PTPRT: variants seen among roughly 807,000 people sequenced by gnomAD.
The protein encoded by PTPRT is protein tyrosine phosphatase receptor type T.
PTPRT carries 56 observed loss-of-function variants against 176.8 expected under a neutral mutation model. The observed-to-expected ratio is 0.32, with a 90% confidence interval of 0.26 to 0.40. The LOEUF is 0.40. Among genes scored for constraint, PTPRT ranks in the 10% least tolerant of loss-of-function variants. The pLI, the probability that PTPRT is intolerant of heterozygous loss-of-function variation, is 1.00. For missense variants in PTPRT, 1,540 were observed against 1,908.2 expected (o/e 0.81, Z 3.60); for synonymous variants, 783 against 739.0 (o/e 1.06, Z -0.96).
chr20:43,121,647 T>C (rs2013265423), intron 1 of PTPRT, among the ~76,000 whole-genome samples: 1 of 152,242 alleles, frequency 6.6e-6, no homozygotes, highest in Non-Finnish European at 1.5e-5. Context: ...CATCTCTTGA[T>C]ACAATGCTTT....
intron 7 of PTPRT, among the ~76,000 whole-genome samples, chr20:42,510,276 C>T (rs1006205038): frequency 6.6e-6 from 1 of 152,052 alleles, no homozygotes; most frequent in Non-Finnish European, 1.5e-5. Context: ...CCACAGCAGT[C>T]CCAGCAAATT....
chr20:42,258,486 T>A (rs2056689200), intron 13 of PTPRT, among the ~76,000 whole-genome samples: 1 of 152,232 alleles, frequency 6.6e-6, no homozygotes, highest in African/African-American at 2.4e-5. Context: ...AATACCTTTA[T>A]TGATATTTAG....
chr20:42,865,342 C>A (rs1042379107), intron 2 of PTPRT, among the ~76,000 whole-genome samples: 2 of 152,236 alleles, frequency 1.3e-5, no homozygotes, highest in Admixed American at 6.5e-5. Context: ...GCACCATGCT[C>A]TGAACCACAA....
intron 6 of PTPRT, among the ~76,000 whole-genome samples, chr20:42,720,920 C>G (rs543265839): frequency 6.6e-6 from 1 of 152,314 alleles, no homozygotes; most frequent in South Asian, 2.1e-4. Flanking sequence ...GCATGCAGCC[C>G]TGTGCTTACC....
intron 1 of PTPRT, among the ~76,000 whole-genome samples, chr20:42,989,547 G>A (rs1983776321): frequency 6.6e-6 from 1 of 152,162 alleles, no homozygotes; most frequent in African/African-American, 2.4e-5. Flanking sequence ...AGGGGAACAG[G>A]AAATGTGTCA....
the PTPRT span, among the ~76,000 whole-genome samples, chr20:42,042,697 C>T: frequency 6.6e-6 from 1 of 152,206 alleles, no homozygotes; most frequent in Non-Finnish European, 1.5e-5. Context: ...GGCTACTGCC[C>T]TTTTGGGTCA....
At chr20:42,569,629 G>T (rs1160904129) in intron 7 of PTPRT, among the ~76,000 whole-genome samples, 4 of 152,038 alleles carry the variant, frequency 2.6e-5, no homozygotes, top group African/African-American at 4.8e-5. Flanking sequence ...GAGCACCCAG[G>T]GAGGCAGAAC....
chr20:42,384,803 C>A lies in PTPRT; in HGVS notation c.1561-32518G>T, dbSNP rs143865846. Among the ~76,000 whole-genome samples the A allele has an allele frequency of 9.9e-5, 15 of 152,274 alleles. No homozygotes were observed. In the East Asian group the frequency reaches 2.3e-3, roughly 24 times the overall value. On this transcript the variant is annotated intron_variant, in intron 9 of 30. Transcript: ENST00000373187. The stretch of plus-strand genomic sequence containing the variant: ...AGCTATCCTAGCCAGTGTGTGATAT[C>A]TCACTGTGGTTTTGATTTGCACTTC...
At chr20:43,018,306 TA>T (rs1985471718) in intron 1 of PTPRT, among the ~76,000 whole-genome samples, 1 of 152,252 alleles carries the variant, frequency 6.6e-6, no homozygotes, top group Non-Finnish European at 1.5e-5. Context: ...CAGAGTTGGC[TA>T]AATGATTTGA....
intron 27 of PTPRT, among the ~76,000 whole-genome samples, chr20:42,086,130 G>A (rs1044915000): frequency 7.2e-5 from 11 of 151,920 alleles, no homozygotes; most frequent in African/African-American, 2.7e-4. Context: ...GTAAAGATGG[G>A]GTTTCGCCGT....
At chr20:42,875,635 G>C (rs1282359148) in intron 2 of PTPRT, among the ~76,000 whole-genome samples, 6 of 152,148 alleles carry the variant, frequency 3.9e-5, no homozygotes, top group Admixed American at 6.5e-5. Context: ...ATTCACCCAG[G>C]AGAATATCAT....
Position 43,078,710 on chromosome 20 carries a change from G to A in PTPRT, c.88+110936C>T, listed in dbSNP as rs2011350241. Among the ~76,000 whole-genome samples the A allele has an allele frequency of 2.6e-5, 4 of 152,306 alleles. No homozygotes were observed. In the South Asian group the frequency reaches 8.3e-4, roughly 32 times the overall value. ...GCCATGGCAGCATACACTGTCAGCA[G>A]GCTGCCCCTTTAAAAATGTAACCAT... is the stretch of plus-strand genomic sequence containing the variant. On this transcript the variant is annotated intron_variant, in intron 1 of 30. Coordinates refer to ENST00000373187, the MANE Select transcript of PTPRT (RefSeq NM_007050.6).
chr20:42,094,210 G>A (rs1984954001), intron 27 of PTPRT, among the ~76,000 whole-genome samples: 1 of 152,174 alleles, frequency 6.6e-6, no homozygotes, highest in Non-Finnish European at 1.5e-5. Flanking sequence ...AGCAAACAGG[G>A]TTTTGCAGGC....
At chr20:42,448,816 G>T (rs865937052) in intron 8 of PTPRT, among the ~76,000 whole-genome samples, 161 of 151,496 alleles carry the variant, frequency 1.1e-3, no homozygotes, top group African/African-American at 3.6e-3. Context: ...ATTATTGTAG[G>T]CCACACATAA....
chr20:42,602,870 T>C (rs552622713), intron 7 of PTPRT, among the ~76,000 whole-genome samples: 1 of 152,210 alleles, frequency 6.6e-6, no homozygotes, highest in South Asian at 2.1e-4. Flanking sequence ...AATCTTAACT[T>C]CCTCATTTGT....
downstream of PTPRT, among the ~76,000 whole-genome samples, chr20:42,069,182 C>T (rs1276969992): frequency 6.6e-6 from 1 of 152,164 alleles, no homozygotes; most frequent in Admixed American, 6.5e-5. Flanking sequence ...AGCTGGGCCC[C>T]TTCATTTTGG....
chr20:42,353,291 T>C (rs568318257), intron 9 of PTPRT, among the ~76,000 whole-genome samples: 89 of 152,344 alleles, frequency 5.8e-4, no homozygotes, highest in Admixed American at 1.4e-3. Flanking sequence ...TGCTGACTGG[T>C]GCTTTCTCGT....
chr20:42,321,727 T>C (rs948815043), intron 11 of PTPRT, among the ~76,000 whole-genome samples: 1 of 152,218 alleles, frequency 6.6e-6, no homozygotes, highest in South Asian at 2.1e-4. Flanking sequence ...TCTTGTCATC[T>C]AATTCATTGC....
intron 7 of PTPRT, among the ~76,000 whole-genome samples, chr20:42,522,704 GCCC>G (rs1279407678): frequency 6.6e-6 from 1 of 152,028 alleles, no homozygotes. Context: ...CAAATTATCT[GCCC>G]ACCTTGGCCT....
Sources: allele counts gnomAD v4.1 joint callset (sites outside exome capture counted in the v4.1 genomes callset), GRCh38; gene constraint gnomAD v4.1.1; transcripts MANE v1.5; gene names NCBI Gene and HGNC (gene_info 2026-07-23, HGNC 2026-07-21).